The following ITPR1 variants were observed in gnomAD, a reference collection of about 807,000 sequenced individuals.
ITPR1 encodes the protein inositol 1,4,5-trisphosphate-gated calcium channel ITPR1.
A neutral mutation model predicts 318.4 loss-of-function variants in ITPR1; 96 were observed. The observed-to-expected ratio is 0.30, with a 90% CI of 0.26 to 0.36. The LOEUF (loss-of-function observed/expected upper bound fraction) is 0.36, where lower values mean the gene tolerates loss of function less well. Ranked by LOEUF, ITPR1 falls within the 10% of genes least tolerant of loss-of-function variation. The pLI, the probability that ITPR1 is intolerant of heterozygous loss-of-function variation, is 1.00. For missense variants in ITPR1, 2,440 were observed against 3,460.2 expected, an observed-to-expected ratio of 0.71 and a Z score of 7.40; for synonymous variants, 1,312 against 1,289.9, an observed-to-expected ratio of 1.02 and a Z score of -0.37.
At position 4,632,976 on chromosome 3, in the gene ITPR1, A is replaced by G. The variant is rs192678351; in HGVS notation, c.279+5098A>G. ...TTTTTTTGAGATGGGGTCTTGCTCT[A>G]TTGCCAGGCTGGAGTGTAGTGGCAC... On this transcript the variant is annotated intron_variant, in intron 5 of 61. Coordinates refer to ENST00000649015, the MANE Select transcript of ITPR1 (RefSeq NM_001378452.1). 8.1e-3 allele frequency among the ~76,000 whole-genome samples: 797 copies of G among 97,804 alleles called. 5 individuals carry two copies. Among genetic ancestry groups the G allele is most frequent in the Middle Eastern group, 0.028 (2 of 72 alleles). 64.2% of individuals were successfully genotyped at this position (97,804 alleles called of 152,430 possible).
At chr3:4,498,584 C>A (rs891463345) in intron 2 of ITPR1, among the ~76,000 whole-genome samples, 1 of 152,170 alleles carries the variant, frequency 6.6e-6, no homozygotes, top group Non-Finnish European at 1.5e-5. Context: ...ACTACATTGT[C>A]CTTTCTGAAG....
At chr3:4,565,442 T>A (rs1461432047) in intron 4 of ITPR1, among the ~76,000 whole-genome samples, 1 of 152,218 alleles carries the variant, frequency 6.6e-6, no homozygotes, top group Non-Finnish European at 1.5e-5. Context: ...CCTGAGTTTA[T>A]GTAATACGCA....
rs770471562 is a variant in ITPR1, at chr3:4,516,551, G to A, written c.60G>A (p.Glu20=). ...HIGDICSLYA[E]GSTNGFISTL... is the part of the protein sequence containing the mutation. The stretch of plus-strand genomic sequence containing the variant: ...GAGACATTTGTTCTCTGTACGCGGA[G>A]GGATCGACAAATGGATTTATTAGCA... Residue 20 remains glutamate, a synonymous_variant, in exon 3 of 62, where the codon GAG becomes GAA. Transcript: ENST00000649015. 1 of 1,605,372 alleles carries A rather than the reference G, an allele frequency of 6.2e-7. No individual in the cohort carries two copies. The highest frequency in any genetic ancestry group is 8.5e-7 in the Non-Finnish European group (1 of 1,176,254).
At chr3:4,778,529 C>T (rs866249688) in intron 48 of ITPR1, among the ~76,000 whole-genome samples, 9 of 152,326 alleles carry the variant, frequency 5.9e-5, no homozygotes, top group Middle Eastern at 3.4e-3. Flanking sequence ...TGAGAGTCCA[C>T]ACTAACAGTC....
chr3:4,595,453 C>T (rs1360590165), intron 4 of ITPR1, among the ~76,000 whole-genome samples: 2 of 152,206 alleles, frequency 1.3e-5, no homozygotes, highest in African/African-American at 2.4e-5. Context: ...GGATCCACCC[C>T]TGTGATCCAA....
chr3:4,596,721 C>T (rs2125075305), intron 4 of ITPR1, among the ~76,000 whole-genome samples: 1 of 152,312 alleles, frequency 6.6e-6, no homozygotes, highest in East Asian at 1.9e-4. Context: ...TGCTCGTTAG[C>T]TGCTGGTCTT....
At chr3:4,662,931 A>G (rs1395662307) in intron 15 of ITPR1, 134 bp from the exon 16 acceptor site, 2 of 650,092 alleles carry the variant, frequency 3.1e-6, no homozygotes, top group African/African-American at 1.8e-5. Flanking sequence ...TTCTGTTGTC[A>G]GTTTCAAAGA....
chr3:4,660,839 G>T (rs1247443462), intron 13 of ITPR1, 149 bp from the exon 14 acceptor site: 2 of 444,284 alleles, frequency 4.5e-6, no homozygotes, highest in Admixed American at 4.0e-5. Flanking sequence ...CTTGGACCTG[G>T]ACCATTTGCC....
In ITPR1 at chr3:4,652,259, G is replaced by A. The variant is rs28724276; in HGVS notation, c.951+41G>A. ...TGTGGTTTTCTCTTTCAAGGCTGAC[G>A]CACCTCACCGCCTTTCCTCATTCGC... On this transcript the variant is annotated intron_variant, in intron 11 of 61. Coordinates refer to ENST00000649015, the MANE Select transcript of ITPR1 (RefSeq NM_001378452.1). 197,433 of 1,365,520 alleles carry A rather than the reference G, an allele frequency of 0.14. 15,519 individuals carry two copies. Among genetic ancestry groups the A allele is most frequent in the African/African-American group, 0.24 (17,080 of 70,250 alleles). 84.6% of individuals were successfully genotyped at this position (1,365,520 alleles called of 1,614,324 possible).
chr3:4,748,330 G>C (rs936278802), intron 44 of ITPR1, among the ~76,000 whole-genome samples: 1 of 152,160 alleles, frequency 6.6e-6, no homozygotes, highest in African/African-American at 2.4e-5. Context: ...TCTTGTTTTC[G>C]TTTGGGGTGG....
intron 4 of ITPR1, among the ~76,000 whole-genome samples, chr3:4,564,240 C>T (rs989113182): frequency 1.3e-5 from 2 of 152,140 alleles, no homozygotes; most frequent in Non-Finnish European, 2.9e-5. Flanking sequence ...CGCACCCGGC[C>T]GGGATTGGTT....
At chr3:4,719,218 C>G (rs1034502407) in intron 40 of ITPR1, among the ~76,000 whole-genome samples, 1 of 152,222 alleles carries the variant, frequency 6.6e-6, no homozygotes, top group African/African-American at 2.4e-5. Flanking sequence ...CTGGCAGCCA[C>G]TCAGATTCTT....
chr3:4,650,141 G>A (rs1424361275), intron 10 of ITPR1, among the ~76,000 whole-genome samples: 2 of 152,068 alleles, frequency 1.3e-5, no homozygotes, highest in African/African-American at 4.8e-5. Flanking sequence ...AATAGCATTT[G>A]GATTGTTTTC....
At chr3:4,788,218 A>G in intron 52 of ITPR1, 79 bp downstream of exon 52, 3 of 1,115,132 alleles carry the variant, frequency 2.7e-6, no homozygotes, top group East Asian at 5.2e-5. Flanking sequence ...TGGTGCGTTC[A>G]TTTCCAAGCA....
At chr3:4,614,849 CTT>C (rs1213280201) in intron 4 of ITPR1, among the ~76,000 whole-genome samples, 1 of 152,182 alleles carries the variant, frequency 6.6e-6, no homozygotes, top group African/African-American at 2.4e-5. Flanking sequence ...TTCCCTTTCT[CTT>C]ATTTTTTTCA....
chr3:4,588,675 A>AGCTAAATGTGCATCTCCAACTTTCT (rs1280150680), intron 4 of ITPR1, among the ~76,000 whole-genome samples: 2 of 152,072 alleles, frequency 1.3e-5, no homozygotes, highest in East Asian at 1.9e-4. Flanking sequence ...GTCTCCCAAG[A>AGCTAAATGTGCATCTCCAACTTTCT]GCTAAATGTG....
intron 13 of ITPR1, among the ~76,000 whole-genome samples, chr3:4,659,856 A>C (rs2093796427): frequency 6.6e-6 from 1 of 152,198 alleles, no homozygotes; most frequent in Non-Finnish European, 1.5e-5. Flanking sequence ...TTAATATTAC[A>C]TTGTAACAAT....
At chr3:4,784,849 A>T (rs548351281) in intron 51 of ITPR1, among the ~76,000 whole-genome samples, 3 of 152,076 alleles carry the variant, frequency 2.0e-5, no homozygotes, top group Non-Finnish European at 4.4e-5. Flanking sequence ...GTGGGCCAAG[A>T]TCGCACCACT....
chr3:4,649,820 A>G (rs1451688519), intron 10 of ITPR1, among the ~76,000 whole-genome samples: 2 of 152,210 alleles, frequency 1.3e-5, no homozygotes, highest in Admixed American at 6.5e-5. Context: ...GTGTCCTCAC[A>G]TGGCAGAAAG....
Sources: allele counts gnomAD v4.1 joint callset (sites outside exome capture counted in the v4.1 genomes callset), GRCh38; gene constraint gnomAD v4.1.1; transcripts MANE v1.5; gene names NCBI Gene and HGNC (gene_info 2026-07-23, HGNC 2026-07-21).